Variants in ABTB3 observed in about 807,000 individuals in gnomAD.
The protein encoded by ABTB3 is ankyrin repeat and BTB domain containing 3, also known as ankyrin repeat- and BTB/POZ domain-containing protein 3.
the ABTB3 span, among the ~76,000 whole-genome samples, chr12:107,480,477 T>G: frequency 7.4e-4 from 112 of 152,234 alleles, no homozygotes; most frequent in Non-Finnish European, 5.3e-4. Context: ...GAAGCAAGAC[T>G]TGGTGAGGGA....
chr12:107,431,624 G>A, the ABTB3 span, among the ~76,000 whole-genome samples: 83 of 144,998 alleles, frequency 5.7e-4, no homozygotes, highest in East Asian at 0.011. Context: ...ACCCGCCCCC[G>A]CACCCGCCCC....
At chr12:107,322,767 T>G in the ABTB3 span, among the ~76,000 whole-genome samples, 1 of 117,748 alleles carries the variant, frequency 8.5e-6, no homozygotes, top group African/African-American at 3.2e-5. Flanking sequence ...GTATCTTGCT[T>G]ATTTAAATGC....
the ABTB3 span, among the ~76,000 whole-genome samples, chr12:107,427,378 C>T: frequency 6.6e-6 from 1 of 151,982 alleles, no homozygotes; most frequent in Non-Finnish European, 1.5e-5. Flanking sequence ...AATTCCTGGG[C>T]ACAAACCACC....
the ABTB3 span, among the ~76,000 whole-genome samples, chr12:107,415,015 C>G: frequency 1.3e-5 from 2 of 151,974 alleles, no homozygotes; most frequent in East Asian, 1.9e-4. Context: ...GTGCCCGGCC[C>G]GATCACCATC....
chr12:107,541,302 G>C, the ABTB3 span, among the ~76,000 whole-genome samples: 1 of 152,210 alleles, frequency 6.6e-6, no homozygotes, highest in African/African-American at 2.4e-5. Context: ...TGGTGGAGAA[G>C]GGGTGAGATC....
chr12:107,630,841 TA>T, the ABTB3 span, among the ~76,000 whole-genome samples: 4 of 152,194 alleles, frequency 2.6e-5, no homozygotes, highest in African/African-American at 9.7e-5. Context: ...TCCCTATGAT[TA>T]ATAGGCTATA....
chr12:107,643,393 A>C, the ABTB3 span, among the ~76,000 whole-genome samples: 1 of 113,594 alleles, frequency 8.8e-6, no homozygotes, highest in African/African-American at 3.4e-5. Context: ...ACAGAACAAG[A>C]CCCTATCTCA....
At chr12:107,378,798 C>T in the ABTB3 span, among the ~76,000 whole-genome samples, 21 of 152,324 alleles carry the variant, frequency 1.4e-4, no homozygotes, top group Middle Eastern at 6.8e-3. Flanking sequence ...CTTGTGAAAA[C>T]GTCCCCTGAT....
the ABTB3 span, among the ~76,000 whole-genome samples, chr12:107,537,192 A>G: frequency 6.6e-6 from 1 of 152,168 alleles, no homozygotes; most frequent in Admixed American, 6.5e-5. Context: ...GAGCCCATAG[A>G]AGTAGAGACT....
the ABTB3 span, among the ~76,000 whole-genome samples, chr12:107,480,507 C>A: frequency 6.6e-6 from 1 of 152,282 alleles, no homozygotes; most frequent in South Asian, 2.1e-4. Context: ...TCCAAAGTCA[C>A]ACAGCTAGTG....
the ABTB3 span, among the ~76,000 whole-genome samples, chr12:107,369,392 G>GTTTTTTTTTTTTTTTTTTTTTTTTT: frequency 7.4e-6 from 1 of 134,904 alleles, no homozygotes; most frequent in Non-Finnish European, 1.6e-5. Context: ...TCAAACAAGG[G>GTTTTTTTTTTTTTTTTTTTTTTTTT]TTTTTTTTTT....
the ABTB3 span, among the ~76,000 whole-genome samples, chr12:107,470,475 T>C: frequency 6.6e-6 from 1 of 152,024 alleles, no homozygotes. Flanking sequence ...CCACCTTCAC[T>C]CGGGCCCAGT....
At chr12:107,619,906 T>G in the ABTB3 span, 1 of 1,352,188 alleles carries the variant, frequency 7.4e-7, no homozygotes, top group Non-Finnish European at 9.8e-7. Flanking sequence ...AAAACTCGCC[T>G]GCTCCTCTGG....
chr12:107,454,273 G>C, the ABTB3 span, among the ~76,000 whole-genome samples: 1 of 152,200 alleles, frequency 6.6e-6, no homozygotes, highest in African/African-American at 2.4e-5. Context: ...TTATTCACAG[G>C]GCCCAGTGCG....
the ABTB3 span, among the ~76,000 whole-genome samples, chr12:107,354,075 G>A: frequency 1.2e-4 from 19 of 152,098 alleles, no homozygotes; most frequent in Non-Finnish European, 1.5e-5. Flanking sequence ...ACAAGTAATA[G>A]AGCCATGGAA....
At chr12:107,637,269 A>G in the ABTB3 span, among the ~76,000 whole-genome samples, 4 of 152,104 alleles carry the variant, frequency 2.6e-5, no homozygotes, top group Non-Finnish European at 4.4e-5. Flanking sequence ...GCGCATGCCT[A>G]TAGTCCCAGC....
At chr12:107,476,444 C>T in the ABTB3 span, among the ~76,000 whole-genome samples, 1 of 152,050 alleles carries the variant, frequency 6.6e-6, no homozygotes, top group Non-Finnish European at 1.5e-5. Flanking sequence ...CCTTGTTTGC[C>T]TGGAGGTGAA....
chr12:107,622,676 G>A, the ABTB3 span, among the ~76,000 whole-genome samples: 1 of 152,132 alleles, frequency 6.6e-6, no homozygotes, highest in Non-Finnish European at 1.5e-5. Flanking sequence ...GTTTCACCAT[G>A]TTGGCCAGGG....
At chr12:107,584,458 C>T in the ABTB3 span, among the ~76,000 whole-genome samples, 3 of 152,242 alleles carry the variant, frequency 2.0e-5, no homozygotes, top group Admixed American at 6.5e-5. Flanking sequence ...ATACAGTCTC[C>T]TTGCTTCCCT....
Sources: allele counts gnomAD v4.1 joint callset (sites outside exome capture counted in the v4.1 genomes callset), GRCh38; gene constraint gnomAD v4.1.1; transcripts MANE v1.5; gene names NCBI Gene and HGNC (gene_info 2026-07-23, HGNC 2026-07-21).